Variants in AGBL1 observed in about 807,000 individuals in gnomAD.
AGBL1 encodes cytosolic carboxypeptidase 4.
Under a neutral mutation model 118.9 loss-of-function variants are expected in AGBL1, and 130 were observed. The ratio of observed to expected loss-of-function variants is 1.09; its 90% CI spans 0.95 to 1.26. AGBL1 has a LOEUF of 1.26. Among genes scored for constraint, AGBL1 ranks in the 50% most tolerant of loss-of-function variants. The pLI, the probability that AGBL1 is intolerant of heterozygous loss-of-function variation, is 0.00. For missense variants in AGBL1, 1,584 were observed against 1,298.1 expected (o/e 1.22, Z -3.38); for synonymous variants, 555 against 478.9 (o/e 1.16, Z -2.08).
chr15:86,489,084 G>A (rs1476193820), intron 18 of AGBL1, among the ~76,000 whole-genome samples: 1 of 152,032 alleles, frequency 6.6e-6, no homozygotes, highest in Non-Finnish European at 1.5e-5. Flanking sequence ...GAGCTAAGGG[G>A]AGAAGATATT....
chr15:86,274,553 T>G (rs927357776), intron 15 of AGBL1, among the ~76,000 whole-genome samples: 5 of 152,176 alleles, frequency 3.3e-5, no homozygotes, highest in African/African-American at 1.2e-4. Flanking sequence ...TGCCGGAAGC[T>G]AAAAGCAAAA....
At chr15:86,158,042 G>A (rs1005046313) in intron 4 of AGBL1, among the ~76,000 whole-genome samples, 1 of 152,162 alleles carries the variant, frequency 6.6e-6, no homozygotes, top group Non-Finnish European at 1.5e-5. Context: ...CAATTCGGAA[G>A]TAAGAGCTGA....
intron 22 of AGBL1, among the ~76,000 whole-genome samples, chr15:86,756,417 A>T (rs2077941420): frequency 6.6e-6 from 1 of 151,386 alleles, no homozygotes; most frequent in Non-Finnish European, 1.5e-5. Context: ...TTCATAAGAT[A>T]GACACAGGCC....
At chr15:86,882,147 C>T (rs926979448) in intron 22 of AGBL1, among the ~76,000 whole-genome samples, 2 of 152,282 alleles carry the variant, frequency 1.3e-5, no homozygotes, top group South Asian at 2.1e-4. Flanking sequence ...CACCATGACA[C>T]GGCTACCTAG....
intron 22 of AGBL1, among the ~76,000 whole-genome samples, chr15:86,857,594 C>A (rs1315752378): frequency 2.0e-5 from 3 of 152,188 alleles, no homozygotes; most frequent in African/African-American, 7.2e-5. Flanking sequence ...TTTATGGAGG[C>A]CTTCCCCGAC....
At chr15:86,602,659 T>C (rs2881461) in intron 21 of AGBL1, among the ~76,000 whole-genome samples, 74,555 of 151,994 alleles carry the variant, frequency 0.49, 18,362 homozygotes, top group Middle Eastern at 0.53. Flanking sequence ...AAATCATAAT[T>C]ATGATTTAGT....
intron 22 of AGBL1, among the ~76,000 whole-genome samples, chr15:86,864,041 G>A (rs907278171): frequency 1.3e-5 from 2 of 152,146 alleles, no homozygotes; most frequent in African/African-American, 4.8e-5. Flanking sequence ...CCCCAGTGAA[G>A]GCATACTTGT....
chr15:86,377,254 C>T (rs1345566952), intron 17 of AGBL1, among the ~76,000 whole-genome samples: 1 of 152,202 alleles, frequency 6.6e-6, no homozygotes, highest in East Asian at 1.9e-4. Context: ...TAAATATATA[C>T]TCACATATGT....
In AGBL1 at chr15:86,158,971, G is replaced by A. The variant is rs145790658; in HGVS notation, c.433G>A (p.Glu145Lys). ...GAMLGINGAM[E>K]LLFKVITPYT... ...CATGCTGGGAATTAATGGAGCCATGGAACTGCTTTTCAAGGTTATTACTCC... is the reference window on the plus strand; with the variant it reads ...CATGCTGGGAATTAATGGAGCCATGAAACTGCTTTTCAAGGTTATTACTCC... Residue 145 changes from glutamate (E) to lysine (K), a missense_variant, in exon 5 of 23, where the codon GAA becomes AAA. By Grantham distance (56) the Glu-to-Lys change is moderately conservative (BLOSUM62 1). Coordinates refer to ENST00000614907, the MANE Select transcript of AGBL1 (RefSeq NM_001386094.1). 1.2e-5 allele frequency: 19 copies of A among 1,613,358 alleles called. No homozygotes were observed. In the African/African-American group the frequency reaches 1.2e-4, roughly 10 times the overall value.
intron 18 of AGBL1, among the ~76,000 whole-genome samples, chr15:86,460,535 C>CAAA (rs10669944): frequency 6.6e-6 from 1 of 151,488 alleles, no homozygotes; most frequent in Non-Finnish European, 1.5e-5. Context: ...ACAACAACAA[C>CAAA]AAAAACAATG....
At chr15:86,738,572 A>G (rs1347446921) in intron 22 of AGBL1, among the ~76,000 whole-genome samples, 2 of 152,326 alleles carry the variant, frequency 1.3e-5, no homozygotes, top group East Asian at 1.9e-4. Flanking sequence ...ATTTTTAACT[A>G]CATGGGTTTT....
chr15:86,433,262 TC>T (rs2081959038), intron 18 of AGBL1, among the ~76,000 whole-genome samples: 4 of 129,286 alleles, frequency 3.1e-5, no homozygotes, highest in Non-Finnish European at 4.8e-5. Flanking sequence ...TCCTCCTCCT[TC>T]TTCTTTTTTT....
intron 5 of AGBL1, among the ~76,000 whole-genome samples, chr15:86,214,039 C>A (rs551610975): frequency 6.6e-6 from 1 of 152,230 alleles, no homozygotes; most frequent in African/African-American, 2.4e-5. Flanking sequence ...GTATGAATGA[C>A]AACGTTTTGA....
intron 24 of AGBL1, among the ~76,000 whole-genome samples, chr15:86,990,017 G>A (rs1379999612): frequency 6.6e-6 from 1 of 152,172 alleles, no homozygotes; most frequent in Non-Finnish European, 1.5e-5. Context: ...TTCATTCCAG[G>A]GTCTTGGGGG....
At chr15:86,776,790 G>C (rs1219521265) in intron 22 of AGBL1, among the ~76,000 whole-genome samples, 49 of 145,742 alleles carry the variant, frequency 3.4e-4, no homozygotes, top group Non-Finnish European at 7.5e-5. Flanking sequence ...GTGTGTGTGT[G>C]AGAGAGAGAG....
intron 23 of AGBL1, among the ~76,000 whole-genome samples, chr15:86,951,566 A>G (rs2080881026): frequency 6.6e-6 from 1 of 152,190 alleles, no homozygotes; most frequent in Non-Finnish European, 1.5e-5. Context: ...GCAAAAGATC[A>G]TATTAACTGA....
chr15:86,889,494 G>A (rs2080019678), intron 22 of AGBL1, among the ~76,000 whole-genome samples: 1 of 151,984 alleles, frequency 6.6e-6, no homozygotes, highest in African/African-American at 2.4e-5. Flanking sequence ...CTATCACCTA[G>A]GTATTAAGCC....
chr15:86,505,850 T>C (rs1469263143), intron 18 of AGBL1, among the ~76,000 whole-genome samples: 1 of 152,036 alleles, frequency 6.6e-6, no homozygotes, highest in Non-Finnish European at 1.5e-5. Flanking sequence ...TAATATCTCA[T>C]AAATTTTTTG....
intron 18 of AGBL1, among the ~76,000 whole-genome samples, chr15:86,404,756 C>G (rs1234748907): frequency 6.6e-6 from 1 of 152,178 alleles, no homozygotes; most frequent in Non-Finnish European, 1.5e-5. Context: ...AGATGTGATG[C>G]TGGGCCTGTA....
Sources: allele counts gnomAD v4.1 joint callset (sites outside exome capture counted in the v4.1 genomes callset), GRCh38; gene constraint gnomAD v4.1.1; transcripts MANE v1.5; gene names NCBI Gene and HGNC (gene_info 2026-07-23, HGNC 2026-07-21).